Variants in NDUFB5 observed in about 807,000 individuals in gnomAD.
NDUFB5 encodes NADH dehydrogenase [ubiquinone] 1 beta subcomplex subunit 5, mitochondrial.
In NDUFB5, 19 loss-of-function variants were observed where a neutral mutation model predicts 19.4. The ratio of observed to expected loss-of-function variants is 0.98; its 90% CI spans 0.68 to 1.43. The LOEUF (loss-of-function observed/expected upper bound fraction) is 1.43, where lower values mean the gene tolerates loss of function less well. Among genes scored for constraint, NDUFB5 ranks in the 40% most tolerant of loss-of-function variants. The pLI is 0.00. For synonymous variants in NDUFB5, 80 were observed against 82.6 expected, an observed-to-expected ratio of 0.97 and a Z score of 0.17; for missense variants, 233 against 236.5, an observed-to-expected ratio of 0.99 and a Z score of 0.10.
At chr3:179,621,548 AGTGGCGTGGTCT>A (rs1483326858) in intron 5 of NDUFB5, among the ~76,000 whole-genome samples, 1 of 102,310 alleles carries the variant, frequency 9.8e-6, no homozygotes, top group Non-Finnish European at 2.4e-5. Flanking sequence ...GCTGGAGTAC[AGTGGCGTGGTCT>A]CGGCACACTG....
At chr3:179,608,026 A>T (rs1446132500) in intron 1 of NDUFB5, among the ~76,000 whole-genome samples, 1 of 151,988 alleles carries the variant, frequency 6.6e-6, no homozygotes, top group African/African-American at 2.4e-5. Flanking sequence ...TTTGAGACAG[A>T]GTCTTGCTCT....
chr3:179,615,654 T>C, intron 2 of NDUFB5: 1 of 492,870 alleles, frequency 2.0e-6, no homozygotes, highest in Non-Finnish European at 4.0e-6. Flanking sequence ...GTACTGACCT[T>C]AAAACTTTCT....
chr3:179,622,415 A>G (rs1719562767), intron 5 of NDUFB5, among the ~76,000 whole-genome samples: 1 of 152,052 alleles, frequency 6.6e-6, no homozygotes, highest in South Asian at 2.1e-4. Context: ...CTGAGTAGCT[A>G]GGACTACAGA....
intron 5 of NDUFB5, among the ~76,000 whole-genome samples, chr3:179,623,502 T>C (rs1719587693): frequency 6.6e-6 from 1 of 152,066 alleles, no homozygotes; most frequent in Non-Finnish European, 1.5e-5. Flanking sequence ...GATAAAACCC[T>C]GTCTCCACTA....
chr3:179,611,271 C>G (rs752698903), intron 1 of NDUFB5, among the ~76,000 whole-genome samples: 5 of 152,110 alleles, frequency 3.3e-5, no homozygotes, highest in African/African-American at 1.2e-4. Context: ...GAATTTAACT[C>G]TTAGAATCAA....
At chr3:179,609,875 T>G (rs930400584) in intron 1 of NDUFB5, among the ~76,000 whole-genome samples, 4 of 152,210 alleles carry the variant, frequency 2.6e-5, no homozygotes, top group African/African-American at 9.6e-5. Flanking sequence ...TTTGTGTGCT[T>G]CTTGACCATT....
intron 3 of NDUFB5, 50 bp downstream of exon 3, chr3:179,616,099 AAAC>A (rs749873672): frequency 4.5e-6 from 6 of 1,332,652 alleles, no homozygotes; most frequent in Non-Finnish European, 6.4e-6. Context: ...AAAAATTTTT[AAAC>A]ATATGTACAT....
intron 1 of NDUFB5, among the ~76,000 whole-genome samples, chr3:179,610,733 TTTAA>T (rs1719218252): frequency 1.3e-5 from 2 of 152,362 alleles, no homozygotes; most frequent in South Asian, 4.1e-4. Flanking sequence ...AGCTATTCTG[TTTAA>T]TTAAATTATT....
rs1416061480 is a variant in NDUFB5, at chr3:179,618,372, T to G, written c.343-43T>G. ...AATAGTCAACTAGAAAAGCAAAGTA[T>G]TATTCAGAAATGGACTAATATTAAA... On this transcript the variant is annotated intron_variant, in intron 4 of 5. Transcript: ENST00000259037. The G allele has an allele frequency of 4.7e-6, 6 of 1,280,756 alleles. No individual in the cohort carries two copies. In the Admixed American group the frequency reaches 1.1e-4, roughly 23 times the overall value. 79.3% of individuals were successfully genotyped at this position (1,280,756 alleles called of 1,614,324 possible).
At chr3:179,605,528 C>G (rs970886141) in intron 1 of NDUFB5, among the ~76,000 whole-genome samples, 1 of 151,836 alleles carries the variant, frequency 6.6e-6, no homozygotes, top group Non-Finnish European at 1.5e-5. Context: ...TGCAGTGGCG[C>G]GATCTTGGCT....
chr3:179,620,863 G>A (rs1719517177), intron 5 of NDUFB5, among the ~76,000 whole-genome samples: 1 of 152,164 alleles, frequency 6.6e-6, no homozygotes, highest in South Asian at 2.1e-4. Context: ...ACTTTGGGTA[G>A]ATATTGCCAA....
At chr3:179,622,212 G>A (rs1006461657) in intron 5 of NDUFB5, among the ~76,000 whole-genome samples, 15 of 152,116 alleles carry the variant, frequency 9.9e-5, no homozygotes, top group African/African-American at 3.6e-4. Context: ...GGCTGATCTC[G>A]AACTCCTGGG....
At chr3:179,613,299 A>G (rs535480244) in intron 1 of NDUFB5, among the ~76,000 whole-genome samples, 1 of 151,900 alleles carries the variant, frequency 6.6e-6, no homozygotes, top group Non-Finnish European at 1.5e-5. Flanking sequence ...AATTTCTCTA[A>G]CTTCCTCTTT....
In NDUFB5 at chr3:179,624,164, G is replaced by T; in HGVS notation, c.*124G>T. On this transcript the variant is annotated 3_prime_UTR_variant, in exon 6 of 6. Coordinates refer to ENST00000259037, the MANE Select transcript of NDUFB5 (RefSeq NM_002492.4). ...TCTGACATTACTGTCTCTCAGTGTTGGTTCAGATTGAGGCTTTTGTTTGAG... is the reference window on the plus strand; with the variant it reads ...TCTGACATTACTGTCTCTCAGTGTTTGTTCAGATTGAGGCTTTTGTTTGAG... The T allele has an allele frequency of 1.1e-6, 1 of 880,626 alleles. No homozygotes were observed. The highest frequency in any genetic ancestry group is 2.3e-5 in the South Asian group (1 of 42,732). The allele number at this position is 880,626 out of a possible 1,614,324, so 54.6% of individuals were successfully genotyped here.
chr3:179,618,258 C>T, intron 4 of NDUFB5, 157 bp from the exon 5 acceptor site: 1 of 503,414 alleles, frequency 2.0e-6, no homozygotes, highest in Non-Finnish European at 3.5e-6. Context: ...ATAGTATCCA[C>T]CTCATCTGTT....
Position 179,616,919 on chromosome 3 carries a change from G to C in NDUFB5, c.281-64G>C, listed in dbSNP as rs560742475. Reference sequence around the variant, plus strand: ...CAAGAAGTTGGTTTCTTACTTTAATGGTGAATAATTAATTTTATAAACTCC... The same window carrying C: ...CAAGAAGTTGGTTTCTTACTTTAATCGTGAATAATTAATTTTATAAACTCC... On this transcript the variant is annotated intron_variant, in intron 3 of 5. Transcript: ENST00000259037. 21 of 1,270,774 alleles carry C rather than the reference G, an allele frequency of 1.7e-5. No individual in the cohort carries two copies. The African/African-American group carries it at 3.1e-4, about 19-fold the overall frequency. 78.7% of individuals were successfully genotyped at this position (1,270,774 alleles called of 1,614,324 possible).
intron 3 of NDUFB5, 52 bp from the exon 4 acceptor site, chr3:179,616,931 A>G: frequency 2.8e-6 from 4 of 1,404,048 alleles, no homozygotes; most frequent in Non-Finnish European, 4.0e-6. Flanking sequence ...TGAATAATTA[A>G]TTTTATAAAC....
Position 179,615,870 on chromosome 3 carries a change from C to CA in NDUFB5, c.214-111dup, listed in dbSNP as rs1451406363. 6.0e-6 allele frequency: 5 copies of CA among 834,106 alleles called. No individual in the cohort carries two copies. The Admixed American group carries it at 7.4e-5, about 12-fold the overall frequency. The allele number at this position is 834,106 out of a possible 1,614,324, so 51.7% of individuals were successfully genotyped here. On this transcript the variant is annotated intron_variant, in intron 2 of 5. Coordinates refer to ENST00000259037, the MANE Select transcript of NDUFB5 (RefSeq NM_002492.4). ...AATCAATAATTTGGTACTGTATGCC[C>CA]AATTTGGCAAGTTTATTTTATAAGA...
Position 179,618,408 on chromosome 3 carries a change from C to T in NDUFB5, c.343-7C>T. On this transcript the variant is annotated splice_polypyrimidine_tract_variant and splice_region_variant and intron_variant, in intron 4 of 5. Coordinates refer to ENST00000259037, the MANE Select transcript of NDUFB5 (RefSeq NM_002492.4). ...TGGACTAATATTAAACGAATTTTCT[C>T]TTGTAGCATCCCATATCAAGATGGA... 1 of 1,575,488 alleles carries T rather than the reference C, an allele frequency of 6.3e-7. No individual in the cohort carries two copies. The highest frequency in any genetic ancestry group is 8.7e-7 in the Non-Finnish European group (1 of 1,155,642).
Sources: gnomAD v4.1 joint callset for allele counts (sites outside exome capture counted in the v4.1 genomes callset) on GRCh38, gnomAD v4.1.1 for gene constraint, MANE v1.5 for transcripts, NCBI Gene and HGNC (gene_info 2026-07-23, HGNC 2026-07-21) for gene names.